Variants in NEGR1 observed in about 807,000 individuals in gnomAD.
NEGR1 encodes the protein neuronal growth regulator 1, also known as IgLON family member 4.
Under a neutral mutation model 40.9 loss-of-function variants are expected in NEGR1, and 10 were observed. That is an observed-to-expected ratio of 0.24 (90% CI 0.15 to 0.42). The LOEUF (loss-of-function observed/expected upper bound fraction) is 0.42. NEGR1 is among the 10% of genes least tolerant of loss of function. NEGR1 has a pLI of 1.00. For synonymous variants in NEGR1, 185 were observed against 166.8 expected, an observed-to-expected ratio of 1.11 and a Z score of -0.84; for missense variants, 352 against 438.9, an observed-to-expected ratio of 0.80 and a Z score of 1.77.
intron 1 of NEGR1, among the ~76,000 whole-genome samples, chr1:72,147,944 A>G (rs1428794973): frequency 6.6e-6 from 1 of 151,030 alleles, no homozygotes; most frequent in Non-Finnish European, 1.5e-5. Flanking sequence ...CCTGTGGCTT[A>G]GCAGGGTACA....
At chr1:71,919,865 A>C (rs1645685417) in intron 2 of NEGR1, among the ~76,000 whole-genome samples, 1 of 152,174 alleles carries the variant, frequency 6.6e-6, no homozygotes, top group Non-Finnish European at 1.5e-5. Context: ...TGCCAGCTGC[A>C]GAGATGGTGG....
At chr1:71,936,565 A>G (rs1645907409) in intron 1 of NEGR1, among the ~76,000 whole-genome samples, 1 of 152,222 alleles carries the variant, frequency 6.6e-6, no homozygotes. Flanking sequence ...AAGATATGGC[A>G]TTCTAGACAG....
intron 1 of NEGR1, among the ~76,000 whole-genome samples, chr1:72,126,868 C>A (rs1650042550): frequency 6.6e-6 from 1 of 152,118 alleles, no homozygotes; most frequent in South Asian, 2.1e-4. Flanking sequence ...ACTGAGGATC[C>A]CACAACTTAG....
intron 1 of NEGR1, among the ~76,000 whole-genome samples, chr1:71,968,653 TAATC>T (rs1477779420): frequency 1.3e-5 from 2 of 152,202 alleles, no homozygotes; most frequent in East Asian, 1.9e-4. Flanking sequence ...TGCTAAATGA[TAATC>T]AAACATTCTA....
intron 1 of NEGR1, among the ~76,000 whole-genome samples, chr1:72,081,788 T>G (rs2100529199): frequency 6.6e-6 from 1 of 152,234 alleles, no homozygotes; most frequent in Non-Finnish European, 1.5e-5. Flanking sequence ...GCTTGATTCC[T>G]ATCCTACTGC....
At chr1:71,483,865 T>C (rs879146825) in intron 6 of NEGR1, among the ~76,000 whole-genome samples, 6 of 151,952 alleles carry the variant, frequency 3.9e-5, no homozygotes, top group Admixed American at 3.3e-4. Flanking sequence ...CAGTAATTTC[T>C]ATAATAGCAG....
intron 1 of NEGR1, among the ~76,000 whole-genome samples, chr1:71,982,795 A>G (rs988045634): frequency 6.6e-6 from 1 of 152,186 alleles, no homozygotes; most frequent in African/African-American, 2.4e-5. Flanking sequence ...TTAGGAAGAT[A>G]TCAACAAGTA....
At chr1:71,676,981 T>A (rs1000935499) in intron 4 of NEGR1, among the ~76,000 whole-genome samples, 4 of 152,188 alleles carry the variant, frequency 2.6e-5, no homozygotes, top group Non-Finnish European at 4.4e-5. Flanking sequence ...ATTAGACATA[T>A]CACCCTTCCC....
At chr1:72,013,971 A>AT (rs1352892797) in intron 1 of NEGR1, among the ~76,000 whole-genome samples, 5 of 137,362 alleles carry the variant, frequency 3.6e-5, no homozygotes, top group South Asian at 2.3e-4. Context: ...AATAAAAAAA[A>AT]AAAAAAAAAA....
At chr1:71,557,491 A>C (rs560191746) in intron 6 of NEGR1, among the ~76,000 whole-genome samples, 8 of 151,744 alleles carry the variant, frequency 5.3e-5, no homozygotes, top group African/African-American at 1.9e-4. Context: ...GTATTGATAA[A>C]ACATTTCTAA....
chr1:71,928,368 A>G lies in NEGR1; in HGVS notation c.409+6711T>C, dbSNP rs553705753. 2.8e-4 allele frequency among the ~76,000 whole-genome samples: 29 copies of G among 103,768 alleles called. 3 individuals carry two copies. Among genetic ancestry groups the G allele is most frequent in the African/African-American group, 6.8e-4 (18 of 26,506 alleles). The allele number at this position is 103,768 out of a possible 152,430, so 68.1% of individuals were successfully genotyped here. On this transcript the variant is annotated intron_variant, in intron 2 of 6. Coordinates refer to ENST00000357731, the MANE Select transcript of NEGR1 (RefSeq NM_173808.3). ...CACATGTGTATATATATATACACATATGTATATATGTATATATACACACAT... is the reference window on the plus strand; with the variant it reads ...CACATGTGTATATATATATACACATGTGTATATATGTATATATACACACAT...
intron 1 of NEGR1, among the ~76,000 whole-genome samples, chr1:72,143,808 G>C (rs894187894): frequency 4.8e-5 from 7 of 146,316 alleles, no homozygotes; most frequent in African/African-American, 1.7e-4. Flanking sequence ...TTTAAATTGA[G>C]CTGTGTCTTC....
chr1:72,207,747 A>G (rs1653462440), intron 1 of NEGR1, among the ~76,000 whole-genome samples: 4 of 151,792 alleles, frequency 2.6e-5, no homozygotes, highest in Admixed American at 2.6e-4. Context: ...ATTTTTAGAT[A>G]AATACTTATT....
At chr1:72,014,524 T>C (rs1031505808) in intron 1 of NEGR1, among the ~76,000 whole-genome samples, 1 of 152,058 alleles carries the variant, frequency 6.6e-6, no homozygotes, top group Non-Finnish European at 1.5e-5. Flanking sequence ...CAATTCAGGT[T>C]TTTGAATGGT....
At chr1:71,587,785 C>A (rs1649357250) in intron 6 of NEGR1, among the ~76,000 whole-genome samples, 1 of 151,992 alleles carries the variant, frequency 6.6e-6, no homozygotes, top group South Asian at 2.1e-4. Context: ...GGGAGTTTAG[C>A]ATCCACACAT....
At chr1:71,749,806 T>G (rs2101686026) in intron 3 of NEGR1, among the ~76,000 whole-genome samples, 1 of 152,336 alleles carries the variant, frequency 6.6e-6, no homozygotes, top group East Asian at 1.9e-4. Context: ...AAAGCTGTAT[T>G]ATTTTGTTGT....
intron 1 of NEGR1, among the ~76,000 whole-genome samples, chr1:72,055,623 G>A (rs909546461): frequency 6.6e-6 from 1 of 150,622 alleles, no homozygotes; most frequent in African/African-American, 2.4e-5. Context: ...TTTGGAAAAC[G>A]AGTGCTATCC....
intron 1 of NEGR1, among the ~76,000 whole-genome samples, chr1:72,210,811 C>A (rs1011261350): frequency 1.3e-5 from 2 of 151,730 alleles, no homozygotes. Flanking sequence ...GCAATATAAA[C>A]CAACGTATTT....
chr1:72,087,183 G>A (rs1331189798), intron 1 of NEGR1, among the ~76,000 whole-genome samples: 2 of 152,110 alleles, frequency 1.3e-5, no homozygotes, highest in African/African-American at 4.8e-5. Flanking sequence ...ACTTTGGGAG[G>A]CTGAGGTGGG....
Sources: allele counts gnomAD v4.1 joint callset (sites outside exome capture counted in the v4.1 genomes callset), GRCh38; gene constraint gnomAD v4.1.1; transcripts MANE v1.5; gene names NCBI Gene and HGNC (gene_info 2026-07-23, HGNC 2026-07-21).